The following CREG1 variants were observed in gnomAD, a reference collection of about 807,000 sequenced individuals.
CREG1 encodes protein CREG1.
CREG1 carries 20 observed loss-of-function variants against 19.9 expected under a neutral mutation model. That is an observed-to-expected ratio of 1.01 (90% CI 0.71 to 1.46). The LOEUF (loss-of-function observed/expected upper bound fraction) is 1.46, where lower values mean the gene tolerates loss of function less well. Among genes scored for constraint, CREG1 ranks in the 40% most tolerant of loss-of-function variants. The pLI, the probability that CREG1 is intolerant of heterozygous loss-of-function variation, is 0.00. For missense variants in CREG1, 290 were observed against 314.9 expected (o/e 0.92, Z 0.60); for synonymous variants, 141 against 143.3 (o/e 0.98, Z 0.12).
rs1656223128 is a variant in CREG1 at position 167,541,530 on chromosome 1, C to T, written c.*768G>A. 1 of 152,192 alleles carries T rather than the reference C, an allele frequency of 6.6e-6. No homozygotes were observed. The highest frequency in any genetic ancestry group is 2.4e-5 in the African/African-American group (1 of 41,442). The allele number at this position is 152,192 out of a possible 1,614,324, so 9.4% of individuals were successfully genotyped here. A position where few individuals can be genotyped will look rare whatever the true frequency, so the allele number is the denominator to read the frequency against. On this transcript the variant is annotated 3_prime_UTR_variant, in exon 4 of 4. Coordinates refer to ENST00000370509, the MANE Select transcript of CREG1 (RefSeq NM_003851.3). ...CAGGAACACACAAAATATTCTTCTC[C>T]TCTTTCTTTTGCAATCCAGTTTTGG...
Position 167,541,774 on chromosome 1 carries a change from CATCT to C in CREG1, c.*520_*523del, listed in dbSNP as rs1386724327. 2 of 152,184 alleles carry C rather than the reference CATCT, an allele frequency of 1.3e-5. No individual in the cohort carries two copies. The highest frequency in any genetic ancestry group is 2.9e-5 in the Non-Finnish European group (2 of 68,060). 9.4% of individuals were successfully genotyped at this position (152,184 alleles called of 1,614,324 possible). The stretch of plus-strand genomic sequence containing the variant: ...ATAAATCAACGTGAGTAGGAAGCTC[CATCT>C]GAGTTTCATCATTGTTTGTCTATCT... On this transcript the variant is annotated 3_prime_UTR_variant, in exon 4 of 4. Coordinates refer to ENST00000370509, the MANE Select transcript of CREG1 (RefSeq NM_003851.3).
intron 2 of CREG1, 110 bp downstream of exon 2, chr1:167,547,892 G>C: frequency 7.9e-7 from 1 of 1,270,178 alleles, no homozygotes; most frequent in Non-Finnish European, 1.1e-6. Context: ...CTGCACTCCA[G>C]CCTGGGAGAC....
At chr1:167,545,028 CT>C (rs1656293344) in intron 3 of CREG1, among the ~76,000 whole-genome samples, 1 of 152,180 alleles carries the variant, frequency 6.6e-6, no homozygotes, top group African/African-American at 2.4e-5. Flanking sequence ...AGGTCCTGGG[CT>C]TTATTTTCTC....
intron 2 of CREG1, among the ~76,000 whole-genome samples, chr1:167,547,637 T>C (rs1016090427): frequency 6.6e-6 from 1 of 152,148 alleles, no homozygotes; most frequent in Non-Finnish European, 1.5e-5. Context: ...AAAGATCTAT[T>C]CTGCCAGGCA....
Position 167,553,525 on chromosome 1 carries a change from T to C in CREG1, c.217A>G (p.Thr73Ala). The change falls in exon 1 of 4, where the codon ACC becomes GCC. Residue 73 changes from threonine to alanine, a missense_variant. Transcript: ENST00000370509. ...THVSDWGALA[T>A]ISTLEAVRGR... ...CGCACCGCCTCCAGCGTGGAGATGG[T>C]GGCCAGAGCGCCCCAGTCGGAGACG... The C allele has an allele frequency of 6.7e-7, 1 of 1,485,858 alleles. No homozygotes were observed. Among genetic ancestry groups the C allele is most frequent in the Non-Finnish European group, 8.9e-7 (1 of 1,125,484 alleles). The allele number at this position is 1,485,858 out of a possible 1,614,324, so 92.0% of individuals were successfully genotyped here. A position where few individuals can be genotyped will look rare whatever the true frequency, so the allele number is the denominator to read the frequency against.
At chr1:167,551,661 C>T (rs917004799) in intron 1 of CREG1, among the ~76,000 whole-genome samples, 1 of 152,198 alleles carries the variant, frequency 6.6e-6, no homozygotes, top group African/African-American at 2.4e-5. Context: ...CCATTAGAAT[C>T]ATCAGGGAGT....
At position 167,546,202 on chromosome 1, in the gene CREG1, A is replaced by G. The variant is rs756834421; in HGVS notation, c.558T>C (p.Asn186=). The change falls in exon 3 of 4, where the codon AAT becomes AAC. Residue 186 remains asparagine, a synonymous_variant. Transcript: ENST00000370509. ...TTATATTCAACTTAGCAAAGAACCA[A>G]TTATGGCTGGAAGGCCAGGTTTTCA... ...PEMKTWPSSH[N]WFFAKLNITN... is the part of the protein sequence containing the mutation. 2.5e-6 allele frequency: 4 copies of G among 1,613,602 alleles called. No homozygotes were observed. The highest frequency in any genetic ancestry group is 1.1e-5 in the South Asian group (1 of 90,970).
Position 167,546,109 on chromosome 1 carries a change from G to C in CREG1, c.651C>G (p.Val217=). Residue 217 remains valine, a synonymous_variant, in exon 3 of 4, where the codon GTC becomes GTG. Coordinates refer to ENST00000370509, the MANE Select transcript of CREG1 (RefSeq NM_003851.3). ...KIVTPEEYYN[V]TVQ ...GATGTGTAAGTACTTACTGAACTGT[G>C]ACATTATAATATTCTTCTGGTGTCA... 6.2e-7 allele frequency: 1 copy of C among 1,600,838 alleles called. No homozygotes were observed. The highest frequency in any genetic ancestry group is 8.5e-7 in the Non-Finnish European group (1 of 1,174,116).
Position 167,553,748 on chromosome 1 carries a change from G to T in CREG1, c.-7C>A. On this transcript the variant is annotated 5_prime_UTR_variant, in exon 1 of 4. Transcript: ENST00000370509. ...CGCGGGATAGCCCGGCCATGGCGGT[G>T]TCTCCAGGAAGAGTCCCGGGCCCCA... The T allele has an allele frequency of 7.9e-7, 1 of 1,272,246 alleles. No homozygotes were observed. The highest frequency in any genetic ancestry group is 9.9e-7 in the Non-Finnish European group (1 of 1,008,358). The allele number at this position is 1,272,246 out of a possible 1,614,324, so 78.8% of individuals were successfully genotyped here.
intron 2 of CREG1, among the ~76,000 whole-genome samples, chr1:167,546,839 T>C (rs1000695313): frequency 3.9e-5 from 6 of 152,242 alleles, no homozygotes; most frequent in African/African-American, 1.2e-4. Flanking sequence ...CCAACTTTCA[T>C]TGGTAAAAAG....
intron 1 of CREG1, among the ~76,000 whole-genome samples, chr1:167,549,413 C>T (rs1463059219): frequency 2.0e-5 from 3 of 148,698 alleles, no homozygotes; most frequent in Non-Finnish European, 4.4e-5. Flanking sequence ...GAGACGGAGT[C>T]TTGCTCTGTC....
Position 167,541,292 on chromosome 1 carries a change from C to A in CREG1, c.*1006G>T, listed in dbSNP as rs1224086491. 2.0e-5 allele frequency: 3 copies of A among 152,168 alleles called. No individual in the cohort carries two copies. The highest frequency in any genetic ancestry group is 2.0e-4 in the Admixed American group (3 of 15,282). 9.4% of individuals were successfully genotyped at this position (152,168 alleles called of 1,614,324 possible). On this transcript the variant is annotated 3_prime_UTR_variant, in exon 4 of 4. Coordinates refer to ENST00000370509, the MANE Select transcript of CREG1 (RefSeq NM_003851.3). ...TGTCTTCTCTTCTGAAGATGTGATT[C>A]TTTTAATGCCATGTTCTCTTCCCTC... is the stretch of plus-strand genomic sequence containing the variant.
chr1:167,551,768 T>C (rs990917140), intron 1 of CREG1, among the ~76,000 whole-genome samples: 1 of 152,228 alleles, frequency 6.6e-6, no homozygotes, highest in Non-Finnish European at 1.5e-5. Context: ...CTTAGGTGAC[T>C]ATGATTTGCA....
intron 1 of CREG1, among the ~76,000 whole-genome samples, chr1:167,548,353 T>C (rs1656364732): frequency 6.6e-6 from 1 of 152,190 alleles, no homozygotes; most frequent in Non-Finnish European, 1.5e-5. Flanking sequence ...TGGTAAAAAT[T>C]ATTTCAATAT....
chr1:167,551,802 G>C (rs1179365188), intron 1 of CREG1, among the ~76,000 whole-genome samples: 2 of 152,162 alleles, frequency 1.3e-5, no homozygotes, highest in Non-Finnish European at 2.9e-5. Context: ...ACCACTGATG[G>C]AGTGGAGTGA....
chr1:167,543,080 T>C (rs1206534783), intron 3 of CREG1, among the ~76,000 whole-genome samples: 1 of 152,010 alleles, frequency 6.6e-6, no homozygotes, highest in Non-Finnish European at 1.5e-5. Flanking sequence ...ACCCTGCCTC[T>C]ACTAAAAATA....
At position 167,542,278 on chromosome 1, in the gene CREG1, T is replaced by C. The variant is rs780846297; in HGVS notation, c.*20A>G. On this transcript the variant is annotated 3_prime_UTR_variant, in exon 4 of 4. Transcript: ENST00000370509. Reference sequence around the variant, plus strand: ...CTTTAAGAAACTTCATAAGTGTTGCTAAATTCACCACAGTCTGCTTCACCT... The same window carrying C: ...CTTTAAGAAACTTCATAAGTGTTGCCAAATTCACCACAGTCTGCTTCACCT... 4 of 1,599,916 alleles carry C rather than the reference T, an allele frequency of 2.5e-6. No individual in the cohort carries two copies. The South Asian group carries it at 4.5e-5, about 18-fold the overall frequency.
At chr1:167,547,172 A>C (rs1205599829) in intron 2 of CREG1, among the ~76,000 whole-genome samples, 3 of 152,146 alleles carry the variant, frequency 2.0e-5, no homozygotes, top group African/African-American at 7.2e-5. Context: ...TCAGATCAGC[A>C]CTCCTGACAC....
intron 2 of CREG1, among the ~76,000 whole-genome samples, chr1:167,547,288 C>T (rs182713435): frequency 2.4e-4 from 37 of 152,306 alleles, no homozygotes; most frequent in African/African-American, 8.4e-4. Flanking sequence ...CTCTGGTTGG[C>T]CTACTTAATA....
Sources: allele counts gnomAD v4.1 joint callset (sites outside exome capture counted in the v4.1 genomes callset), GRCh38; gene constraint gnomAD v4.1.1; transcripts MANE v1.5; gene names NCBI Gene and HGNC (gene_info 2026-07-23, HGNC 2026-07-21).